Variants in SYN3 observed in about 807,000 individuals in gnomAD.
SYN3 encodes synapsin III.
Under a neutral mutation model 65.8 loss-of-function variants are expected in SYN3, and 35 were observed. The observed-to-expected ratio is 0.53, with a 90% CI of 0.41 to 0.70. The LOEUF is 0.70. SYN3 is among the 30% of genes least tolerant of loss of function. The probability of loss-of-function intolerance (pLI) is 0.00; values close to 1 mark genes in which losing one functional copy is unlikely to be tolerated. For missense variants in SYN3, 680 were observed against 749.0 expected (o/e 0.91, Z 1.08); for synonymous variants, 270 against 292.9 (o/e 0.92, Z 0.80).
intron 7 of SYN3, among the ~76,000 whole-genome samples, chr22:32,576,087 G>A (rs531943316): frequency 3.9e-5 from 6 of 152,230 alleles, no homozygotes; most frequent in African/African-American, 7.2e-5. Context: ...TTAGGAAGCC[G>A]GAAATAAAAT....
chr22:32,822,306 C>T (rs539839973), intron 6 of SYN3, among the ~76,000 whole-genome samples: 19 of 152,266 alleles, frequency 1.2e-4, no homozygotes, highest in African/African-American at 2.6e-4. Flanking sequence ...GCATGCCCTG[C>T]GTGGGATGTG....
At chr22:32,872,225 T>C (rs549982485) in intron 4 of SYN3, among the ~76,000 whole-genome samples, 107 of 152,232 alleles carry the variant, frequency 7.0e-4, no homozygotes, top group Admixed American at 1.4e-3. Flanking sequence ...GACTTGACTG[T>C]CTTGGACAAA....
At chr22:32,751,464 G>T (rs895494350) in intron 6 of SYN3, among the ~76,000 whole-genome samples, 19 of 152,202 alleles carry the variant, frequency 1.2e-4, no homozygotes, top group African/African-American at 4.6e-4. Flanking sequence ...GAGTCCAGGT[G>T]CGGGTGGTCA....
At position 32,518,320 on chromosome 22, in the gene SYN3, C is replaced by T; in HGVS notation, c.1333G>A (p.Ala445Thr). ...RPPPQGGPRQ[A>T]QSPQPQRSGS... ...GATCTCTGGGGCTGAGGAGACTGAG[C>T]TTGGCGAGGGCCTCCTAAGGGGCCA... is the stretch of plus-strand genomic sequence containing the variant. The change falls in exon 13 of 14, where the codon GCT becomes ACT. Residue 445 changes from alanine (A) to threonine (T), a missense_variant. Ala to Thr is a moderately conservative substitution (Grantham distance 58, BLOSUM62 0). Transcript: ENST00000358763. 6.2e-7 allele frequency: 1 copy of T among 1,608,346 alleles called. No homozygotes were observed. Among genetic ancestry groups the T allele is most frequent in the Non-Finnish European group, 8.5e-7 (1 of 1,177,280 alleles).
intron 6 of SYN3, among the ~76,000 whole-genome samples, chr22:32,624,165 C>T (rs570574429): frequency 3.3e-5 from 5 of 152,342 alleles, no homozygotes; most frequent in African/African-American, 1.2e-4. Context: ...TCATCGCTCC[C>T]TCCCTGGCTT....
At chr22:32,725,949 C>T (rs988626372) in intron 6 of SYN3, among the ~76,000 whole-genome samples, 8 of 152,130 alleles carry the variant, frequency 5.3e-5, no homozygotes, top group African/African-American at 1.9e-4. Flanking sequence ...GTAAAAGCTC[C>T]CCTGAGCATG....
chr22:33,021,800 T>C (rs1334306173), intron 1 of SYN3, among the ~76,000 whole-genome samples: 1 of 124,468 alleles, frequency 8.0e-6, no homozygotes, highest in African/African-American at 3.1e-5. Flanking sequence ...TTTTTTTTTT[T>C]GCTTATTCTT....
chr22:32,669,041 T>C (rs2060327808), intron 6 of SYN3, among the ~76,000 whole-genome samples: 1 of 152,238 alleles, frequency 6.6e-6, no homozygotes, highest in Non-Finnish European at 1.5e-5. Context: ...TTACCTTTTA[T>C]AATTTCTCAA....
intron 7 of SYN3, among the ~76,000 whole-genome samples, chr22:32,569,565 C>CTATATATATATATATA (rs1190028295): frequency 3.5e-5 from 2 of 56,380 alleles, no homozygotes; most frequent in South Asian, 9.8e-4. Context: ...CTCTCTCTCT[C>CTATATATATATATATA]TCTCTCTATA....
chr22:32,951,909 C>A (rs867994934), intron 3 of SYN3, among the ~76,000 whole-genome samples: 1 of 152,198 alleles, frequency 6.6e-6, no homozygotes, highest in East Asian at 1.9e-4. Flanking sequence ...CTCCTCCATT[C>A]GGCCTCTTCT....
Position 32,998,776 on chromosome 22 carries a change from T to TAAAAAAAAAA in SYN3, c.311+7566_311+7575dup, listed in dbSNP as rs34372968. ...ATTCTGGTACATTCTATAGAAATAGTAAAAAAAAAAAAAAAAAAAAAAACA... is the reference window on the plus strand; with the variant it reads ...ATTCTGGTACATTCTATAGAAATAGTAAAAAAAAAAAAAAAAAAAAAAAAAAAAAAAAACA... On this transcript the variant is annotated intron_variant, in intron 2 of 13. Coordinates refer to ENST00000358763, the MANE Select transcript of SYN3 (RefSeq NM_003490.4). Among the ~76,000 whole-genome samples, 184 of 81,826 alleles carry TAAAAAAAAAA rather than the reference T, an allele frequency of 2.2e-3. 5 individuals are homozygous for TAAAAAAAAAA. The highest frequency in any genetic ancestry group is 4.9e-3 in the East Asian group (13 of 2,650). 53.7% of individuals were successfully genotyped at this position (81,826 alleles called of 152,430 possible). A position where few individuals can be genotyped will look rare whatever the true frequency, so the allele number is the denominator to read the frequency against.
At chr22:32,952,135 C>A (rs1329299223) in intron 3 of SYN3, among the ~76,000 whole-genome samples, 2 of 152,178 alleles carry the variant, frequency 1.3e-5, no homozygotes, top group Non-Finnish European at 2.9e-5. Flanking sequence ...TCTGCCCACT[C>A]ACCTAGCAGC....
At chr22:32,767,733 T>C (rs2045665528) in intron 6 of SYN3, among the ~76,000 whole-genome samples, 2 of 152,212 alleles carry the variant, frequency 1.3e-5, no homozygotes, top group South Asian at 4.1e-4. Flanking sequence ...TCTGAGAACA[T>C]TTAGGATTTT....
At chr22:32,756,132 A>T (rs1235671945) in intron 6 of SYN3, among the ~76,000 whole-genome samples, 1 of 152,110 alleles carries the variant, frequency 6.6e-6, no homozygotes, top group Admixed American at 6.5e-5. Context: ...TGACAGGTTG[A>T]TGGGTGCAGC....
rs1326868872 is a variant in SYN3, at chr22:32,665,489, G to GTGTATATATATATATATATATA, written c.712-68754_712-68753insTATATATATATATATATATACA. ...GGCTGAGTAGTATGCCACAGTGTGT[G>GTGTATATATATATATATATATA]TATATATATATATATATATATGTCT... is the stretch of plus-strand genomic sequence containing the variant. On this transcript the variant is annotated intron_variant, in intron 6 of 13. Transcript: ENST00000358763. 4.2e-5 allele frequency among the ~76,000 whole-genome samples: 6 copies of GTGTATATATATATATATATATA among 141,412 alleles called. No homozygotes were observed. The East Asian group carries it at 1.2e-3, about 29-fold the overall frequency. 92.8% of individuals were successfully genotyped at this position (141,412 alleles called of 152,430 possible).
intron 6 of SYN3, among the ~76,000 whole-genome samples, chr22:32,609,940 C>T (rs1011789630): frequency 4.6e-5 from 7 of 152,116 alleles, no homozygotes; most frequent in Non-Finnish European, 1.0e-4. Context: ...AATTCACATA[C>T]CATAAAATTC....
chr22:32,814,129 TGTGTGTGTGTGTGAGA>T (rs1229362572), intron 6 of SYN3, among the ~76,000 whole-genome samples: 9 of 137,522 alleles, frequency 6.5e-5, no homozygotes, highest in African/African-American at 2.2e-4. Flanking sequence ...TGTGTGTGTG[TGTGTGTGTGTGTGAGA>T]GAGAGAGAGA....
intron 7 of SYN3, among the ~76,000 whole-genome samples, chr22:32,548,694 C>T (rs1032530746): frequency 6.6e-6 from 1 of 152,124 alleles, no homozygotes; most frequent in African/African-American, 2.4e-5. Context: ...ATTTTTATGC[C>T]ACCTGTTCTA....
At chr22:32,923,505 T>C (rs887737301) in intron 4 of SYN3, among the ~76,000 whole-genome samples, 1 of 152,214 alleles carries the variant, frequency 6.6e-6, no homozygotes, top group Non-Finnish European at 1.5e-5. Flanking sequence ...TCGGGAGATC[T>C]AGACCTTGGT....
Sources: gnomAD v4.1 joint callset for allele counts (sites outside exome capture counted in the v4.1 genomes callset) on GRCh38, gnomAD v4.1.1 for gene constraint, MANE v1.5 for transcripts, NCBI Gene and HGNC (gene_info 2026-07-23, HGNC 2026-07-21) for gene names.